The following SPPL3 variants were observed in gnomAD, a reference collection of about 807,000 sequenced individuals.
The protein encoded by SPPL3 is signal peptide peptidase like 3, also known as signal peptide peptidase-like 3.
In SPPL3, 5 loss-of-function variants were observed where a neutral mutation model predicts 42.4. The ratio of observed to expected loss-of-function variants is 0.12; its 90% confidence interval spans 0.06 to 0.25. SPPL3 has a LOEUF of 0.25. SPPL3 is among the 10% of genes least tolerant of loss of function. SPPL3 has a pLI of 1.00. For synonymous variants in SPPL3, 195 were observed against 181.8 expected, an observed-to-expected ratio of 1.07 and a Z score of -0.58; for missense variants, 235 against 489.0, an observed-to-expected ratio of 0.48 and a Z score of 4.90.
chr12:120,767,560 G>A lies in SPPL3; in HGVS notation c.807C>T (p.Ile269=), dbSNP rs752097160. 2.7e-5 allele frequency: 44 copies of A among 1,614,054 alleles called. No homozygotes were observed. The highest frequency in any genetic ancestry group is 3.3e-4 in the Middle Eastern group (2 of 6,082). Residue 269 remains isoleucine, a synonymous_variant, in exon 9 of 11, where the codon ATC becomes ATT. Coordinates refer to ENST00000353487, the MANE Select transcript of SPPL3 (RefSeq NM_139015.5). ...STGSHFSMLG[I]GDIVMPGLLL... ...GGAGACCAGGCATAACGATGTCTCC[G>A]ATGCCCAACATGGAGAAGTGGCTGC... is the stretch of plus-strand genomic sequence containing the variant.
intron 1 of SPPL3, among the ~76,000 whole-genome samples, chr12:120,865,674 A>G (rs1872735497): frequency 6.6e-6 from 1 of 152,214 alleles, no homozygotes; most frequent in Non-Finnish European, 1.5e-5. Flanking sequence ...TACAGTAGTC[A>G]AGACTAGGCA....
chr12:120,781,765 G>A (rs1869555625), intron 6 of SPPL3, among the ~76,000 whole-genome samples: 1 of 149,948 alleles, frequency 6.7e-6, no homozygotes, highest in Non-Finnish European at 1.5e-5. Context: ...ATTTTTAGTA[G>A]AGACGGGGTC....
At chr12:120,856,767 A>G (rs1010852659) in intron 1 of SPPL3, among the ~76,000 whole-genome samples, 5 of 152,106 alleles carry the variant, frequency 3.3e-5, no homozygotes, top group African/African-American at 1.2e-4. Context: ...ACTGACTGCT[A>G]AAGACTGGTG....
At chr12:120,841,979 T>C (rs1267129142) in intron 1 of SPPL3, among the ~76,000 whole-genome samples, 1 of 152,190 alleles carries the variant, frequency 6.6e-6, no homozygotes, top group East Asian at 1.9e-4. Context: ...AAGGCAAAAT[T>C]TGACACTAAA....
Position 120,798,976 on chromosome 12 carries a change from T to C in SPPL3, c.102-7419A>G, listed in dbSNP as rs1393227500. ...CCGCGGGACAGGATGAAGGGTTATA[T>C]AACTCAATTTCAATTTGTTATTAGT... On this transcript the variant is annotated intron_variant, in intron 2 of 10. Transcript: ENST00000353487. 3.3e-5 allele frequency among the ~76,000 whole-genome samples: 5 copies of C among 152,220 alleles called. 1 individual carries two copies. The highest frequency in any genetic ancestry group is 4.1e-4 in the South Asian group (2 of 4,836).
chr12:120,773,731 T>A (rs1490508845), intron 6 of SPPL3, among the ~76,000 whole-genome samples: 5 of 152,148 alleles, frequency 3.3e-5, no homozygotes, highest in African/African-American at 1.2e-4. Context: ...TTCAAGTGAC[T>A]CTCAAGTGAC....
chr12:120,896,583 G>A (rs565752941), intron 1 of SPPL3, among the ~76,000 whole-genome samples: 2 of 152,212 alleles, frequency 1.3e-5, no homozygotes, highest in South Asian at 4.1e-4. Context: ...AGACCAGCCT[G>A]ACCAACATGG....
intron 1 of SPPL3, among the ~76,000 whole-genome samples, chr12:120,829,729 TCA>T (rs1871338046): frequency 6.6e-6 from 1 of 152,096 alleles, no homozygotes. Context: ...GTGTGGTGGC[TCA>T]CACCTGCAAT....
chr12:120,896,576 C>T (rs1308788897), intron 1 of SPPL3, among the ~76,000 whole-genome samples: 2 of 152,176 alleles, frequency 1.3e-5, no homozygotes, highest in East Asian at 3.9e-4. Flanking sequence ...GAGTTTGAGA[C>T]CAGCCTGACC....
At chr12:120,817,397 T>G (rs1415187025) in intron 1 of SPPL3, among the ~76,000 whole-genome samples, 1 of 152,344 alleles carries the variant, frequency 6.6e-6, no homozygotes, top group East Asian at 1.9e-4. Context: ...ATCATTGACA[T>G]AGCCAAAGAG....
chr12:120,838,083 C>T (rs1871681467), intron 1 of SPPL3, among the ~76,000 whole-genome samples: 1 of 152,056 alleles, frequency 6.6e-6, no homozygotes. Context: ...AAACACAGCC[C>T]ATACTTACTA....
chr12:120,777,945 A>G (rs577705907), intron 6 of SPPL3, among the ~76,000 whole-genome samples: 1 of 152,262 alleles, frequency 6.6e-6, no homozygotes, highest in African/African-American at 2.4e-5. Context: ...AGGTCTGTAT[A>G]GTCTAGAGGG....
intron 7 of SPPL3, 126 bp from the exon 8 acceptor site, chr12:120,768,614 T>C: frequency 8.9e-7 from 1 of 1,125,964 alleles, no homozygotes; most frequent in Non-Finnish European, 1.3e-6. Context: ...GTTGACTGTA[T>C]GATTTGAGAA....
chr12:120,767,629 T>A, intron 8 of SPPL3, 36 bp from the exon 9 acceptor site: 1 of 1,603,622 alleles, frequency 6.2e-7, no homozygotes, highest in Non-Finnish European at 8.5e-7. Context: ...GACGTCACAC[T>A]CTACAATCCA....
chr12:120,876,249 T>C (rs1368842301), intron 1 of SPPL3, among the ~76,000 whole-genome samples: 2 of 151,818 alleles, frequency 1.3e-5, no homozygotes, highest in African/African-American at 4.8e-5. Context: ...AAACTAGAAA[T>C]TAATAGAAGA....
At chr12:120,778,537 T>A (rs1287975812) in intron 6 of SPPL3, among the ~76,000 whole-genome samples, 1 of 150,328 alleles carries the variant, frequency 6.7e-6, no homozygotes, top group Non-Finnish European at 1.5e-5. Flanking sequence ...CCAAAACCCC[T>A]GTTTTTTCTT....
At chr12:120,847,779 G>A (rs1472997852) in intron 1 of SPPL3, among the ~76,000 whole-genome samples, 1 of 152,062 alleles carries the variant, frequency 6.6e-6, no homozygotes, top group Non-Finnish European at 1.5e-5. Context: ...TAAAAAGGGA[G>A]CTAATATTTA....
intron 2 of SPPL3, among the ~76,000 whole-genome samples, chr12:120,806,693 C>CA (rs1870504871): frequency 6.6e-6 from 1 of 151,608 alleles, no homozygotes; most frequent in Non-Finnish European, 1.5e-5. Context: ...CTAAAAAATA[C>CA]AAAAAATTAG....
intron 1 of SPPL3, among the ~76,000 whole-genome samples, chr12:120,814,377 C>T (rs1293008685): frequency 6.6e-6 from 1 of 152,178 alleles, no homozygotes; most frequent in African/African-American, 2.4e-5. Flanking sequence ...TCCCATCCAG[C>T]AATGATGCAG....
Sources: gnomAD v4.1 joint callset for allele counts (sites outside exome capture counted in the v4.1 genomes callset) on GRCh38, gnomAD v4.1.1 for gene constraint, MANE v1.5 for transcripts, NCBI Gene and HGNC (gene_info 2026-07-23, HGNC 2026-07-21) for gene names.